Variants in SORCS2 observed in about 807,000 individuals in gnomAD.
SORCS2 encodes the protein VPS10 domain-containing receptor SorCS2.
In SORCS2, 100 loss-of-function variants were observed where a neutral mutation model predicts 141.6. The ratio of observed to expected loss-of-function variants is 0.71; its 90% CI spans 0.60 to 0.83. SORCS2 has a LOEUF of 0.83. SORCS2 is among the 40% of genes least tolerant of loss of function. The pLI is 0.00. For missense variants in SORCS2, 1,646 were observed against 1,560.2 expected (o/e 1.05, Z -0.93); for synonymous variants, 789 against 676.9 (o/e 1.17, Z -2.57).
At chr4:7,519,650 C>T (rs1733198456) in intron 2 of SORCS2, among the ~76,000 whole-genome samples, 1 of 152,244 alleles carries the variant, frequency 6.6e-6, no homozygotes, top group African/African-American at 2.4e-5. Context: ...AACTTCTGCC[C>T]TCATCCCTTC....
chr4:7,624,846 G>A (rs911166041), intron 3 of SORCS2, among the ~76,000 whole-genome samples: 36 of 152,282 alleles, frequency 2.4e-4, no homozygotes, highest in African/African-American at 7.7e-4. Flanking sequence ...CGATTAAACC[G>A]TATTCACTCT....
At chr4:7,579,252 A>G (rs1403401572) in intron 3 of SORCS2, among the ~76,000 whole-genome samples, 2 of 152,130 alleles carry the variant, frequency 1.3e-5, no homozygotes, top group African/African-American at 4.8e-5. Context: ...ATTTTAATAT[A>G]TATTTGTATT....
At chr4:7,665,596 C>T (rs1722454711) in intron 7 of SORCS2, among the ~76,000 whole-genome samples, 1 of 152,166 alleles carries the variant, frequency 6.6e-6, no homozygotes, top group Non-Finnish European at 1.5e-5. Context: ...CTGAAGACCC[C>T]CAGCCCTGTG....
At chr4:7,534,223 T>C (rs973643599) in intron 3 of SORCS2, among the ~76,000 whole-genome samples, 4 of 152,208 alleles carry the variant, frequency 2.6e-5, no homozygotes, top group Non-Finnish European at 5.9e-5. Context: ...GAGTGGACAC[T>C]GTAGCCGCAT....
At chr4:7,389,089 G>A (rs907565002) in intron 1 of SORCS2, among the ~76,000 whole-genome samples, 2 of 152,190 alleles carry the variant, frequency 1.3e-5, no homozygotes, top group Admixed American at 6.5e-5. Context: ...CGGGCAGTGC[G>A]TGTGGAGGTC....
chr4:7,277,944 C>T (rs11934557), intron 1 of SORCS2, among the ~76,000 whole-genome samples: 11,647 of 152,226 alleles, frequency 0.077, 838 homozygotes, highest in Admixed American at 0.22. Context: ...CTGGACATTG[C>T]GGTGTACAGG....
intron 10 of SORCS2, among the ~76,000 whole-genome samples, chr4:7,684,287 C>T (rs577282969): frequency 1.3e-4 from 20 of 152,328 alleles, no homozygotes; most frequent in African/African-American, 4.6e-4. Context: ...AGATGATAAA[C>T]ATCCCTTTGG....
At chr4:7,688,833 C>T (rs779500212) in intron 10 of SORCS2, among the ~76,000 whole-genome samples, 4 of 152,184 alleles carry the variant, frequency 2.6e-5, no homozygotes, top group Non-Finnish European at 5.9e-5. Context: ...CTCTGGGACC[C>T]AGTATCTCAG....
At chr4:7,565,089 A>G (rs1714871577) in intron 3 of SORCS2, among the ~76,000 whole-genome samples, 1 of 152,130 alleles carries the variant, frequency 6.6e-6, no homozygotes, top group Non-Finnish European at 1.5e-5. Context: ...AGGGAGGGGG[A>G]GCAAGGGCTT....
intron 5 of SORCS2, among the ~76,000 whole-genome samples, chr4:7,660,276 G>A (rs1297626532): frequency 6.6e-6 from 1 of 152,186 alleles, no homozygotes; most frequent in Non-Finnish European, 1.5e-5. Flanking sequence ...ATGAGGTGTG[G>A]GTGGATTGAG....
Position 7,286,447 on chromosome 4 carries a change from C to T in SORCS2, c.480+93321C>T, listed in dbSNP as rs1015172726. On this transcript the variant is annotated intron_variant, in intron 1 of 26. Coordinates refer to ENST00000507866, the MANE Select transcript of SORCS2 (RefSeq NM_020777.3). This position sits in a 1 kb window ranked among gnomAD's most constrained non-coding sequence, Gnocchi z 4.1. ...CCTGGAAGGCAGCCACGAGGCCTGA[C>T]GTTGGAGATGCACCATCCTCTCAGC... Among the ~76,000 whole-genome samples, 1 of 152,284 alleles carries T rather than the reference C, an allele frequency of 6.6e-6. No individual in the cohort carries two copies. Among genetic ancestry groups the T allele is most frequent in the Middle Eastern group, 3.4e-3 (1 of 294 alleles).
At chr4:7,731,464 A>T (rs1711675903) in intron 23 of SORCS2, among the ~76,000 whole-genome samples, 1 of 152,238 alleles carries the variant, frequency 6.6e-6, no homozygotes, top group African/African-American at 2.4e-5. Context: ...TAGAAAAAAA[A>T]ATCCTAAAAT....
chr4:7,213,066 A>T (rs1334467362), intron 1 of SORCS2, among the ~76,000 whole-genome samples: 4 of 152,142 alleles, frequency 2.6e-5, no homozygotes, highest in African/African-American at 4.8e-5. Flanking sequence ...ACTGCCATTC[A>T]TGTGGCAGGG....
intron 2 of SORCS2, among the ~76,000 whole-genome samples, chr4:7,469,370 C>T (rs368164673): frequency 2.0e-4 from 30 of 152,262 alleles, no homozygotes; most frequent in African/African-American, 5.8e-4. Flanking sequence ...TCTTTCTCCC[C>T]GAAATTCAGT....
chr4:7,420,173 G>T (rs4689742), intron 2 of SORCS2, among the ~76,000 whole-genome samples: 1 of 152,050 alleles, frequency 6.6e-6, no homozygotes, highest in Non-Finnish European at 1.5e-5. Flanking sequence ...AATGTGCCTG[G>T]GGGGCAAGGA....
intron 2 of SORCS2, among the ~76,000 whole-genome samples, chr4:7,427,142 G>A (rs553106989): frequency 1.3e-5 from 2 of 152,226 alleles, no homozygotes; most frequent in Admixed American, 6.5e-5. Flanking sequence ...TGGCGCAGCC[G>A]GAGCTCCAGG....
intron 18 of SORCS2, among the ~76,000 whole-genome samples, chr4:7,722,407 C>T (rs1470001088): frequency 6.6e-6 from 1 of 152,210 alleles, no homozygotes; most frequent in Admixed American, 6.5e-5. Flanking sequence ...GAACGGAGCA[C>T]CCTGCAGCCT....
intron 1 of SORCS2, among the ~76,000 whole-genome samples, chr4:7,335,582 T>G (rs1719931776): frequency 6.6e-6 from 1 of 152,216 alleles, no homozygotes; most frequent in Admixed American, 6.5e-5. Flanking sequence ...AGGAGGCAGC[T>G]GCAGTCTTGC....
At chr4:7,711,211 C>G (rs1281838267) in intron 14 of SORCS2, among the ~76,000 whole-genome samples, 1 of 152,214 alleles carries the variant, frequency 6.6e-6, no homozygotes, top group Non-Finnish European at 1.5e-5. Flanking sequence ...TGCGAGGTCA[C>G]AGATGTAATT....
Sources: allele counts gnomAD v4.1 joint callset (sites outside exome capture counted in the v4.1 genomes callset), GRCh38; gene constraint gnomAD v4.1.1; non-coding constraint Gnocchi (gnomAD v3.1); transcripts MANE v1.5; gene names NCBI Gene and HGNC (gene_info 2026-07-23, HGNC 2026-07-21).